IPCEF1: variants seen among roughly 807,000 people sequenced by gnomAD.
IPCEF1 encodes the protein interaction protein for cytohesin exchange factors 1.
In IPCEF1, 31 loss-of-function variants were observed where a neutral mutation model predicts 50.9. The observed-to-expected ratio is 0.61, with a 90% CI of 0.46 to 0.82. IPCEF1 has a LOEUF of 0.82. IPCEF1 is among the 40% of genes least tolerant of loss of function. The pLI is 0.00. For missense variants in IPCEF1, 458 were observed against 514.0 expected (o/e 0.89, Z 1.05); for synonymous variants, 181 against 192.0 (o/e 0.94, Z 0.47).
intron 3 of IPCEF1, among the ~76,000 whole-genome samples, chr6:154,253,762 A>G (rs1318274527): frequency 6.6e-6 from 1 of 152,150 alleles, no homozygotes. Context: ...TTAGCTTTCT[A>G]CAACCAGGAA....
At chr6:154,233,971 G>C (rs1779921643) in intron 5 of IPCEF1, among the ~76,000 whole-genome samples, 1 of 152,154 alleles carries the variant, frequency 6.6e-6, no homozygotes, top group Non-Finnish European at 1.5e-5. Flanking sequence ...CACTTTGAGA[G>C]GCCAAAGCAG....
At chr6:154,179,788 A>C (rs1220518463) in intron 10 of IPCEF1, among the ~76,000 whole-genome samples, 1 of 152,216 alleles carries the variant, frequency 6.6e-6, no homozygotes, top group East Asian at 1.9e-4. Context: ...AGTTAAGAAT[A>C]AAAGTTCACT....
At chr6:154,213,950 G>C (rs142099716) in intron 8 of IPCEF1, among the ~76,000 whole-genome samples, 1 of 152,168 alleles carries the variant, frequency 6.6e-6, no homozygotes, top group Non-Finnish European at 1.5e-5. Flanking sequence ...CATTTGCATC[G>C]GTGACTGTTT....
At chr6:154,314,983 C>A (rs1383826064) in intron 1 of IPCEF1, among the ~76,000 whole-genome samples, 1 of 151,582 alleles carries the variant, frequency 6.6e-6, no homozygotes, top group Admixed American at 6.6e-5. Context: ...CAGGTTCAAG[C>A]GATTCTCCTG....
At position 154,168,249 on chromosome 6, in the gene IPCEF1, A is replaced by G. The variant is rs1799593868; in HGVS notation, c.911-136T>C. 2 of 634,890 alleles carry G rather than the reference A, an allele frequency of 3.2e-6. No homozygotes were observed. The highest frequency in any genetic ancestry group is 3.0e-5 in the Admixed American group (1 of 33,876). The allele number at this position is 634,890 out of a possible 1,614,324, so 39.3% of individuals were successfully genotyped here. A position where few individuals can be genotyped will look rare whatever the true frequency, so the allele number is the denominator to read the frequency against. Reference sequence around the variant, plus strand: ...GACTTCTCTCCGGAACTGAAAGACAATAAATGTTTGCTGTCTAAGCCACCC... The same window carrying G: ...GACTTCTCTCCGGAACTGAAAGACAGTAAATGTTTGCTGTCTAAGCCACCC... On this transcript the variant is annotated intron_variant, in intron 10 of 11. Coordinates refer to ENST00000367220, the MANE Select transcript of IPCEF1 (RefSeq NM_001130700.2). The surrounding 1 kb of genome is among the most constrained non-coding windows in gnomAD (Gnocchi z 4.1).
chr6:154,252,259 C>A (rs1781356311), intron 3 of IPCEF1, among the ~76,000 whole-genome samples: 2 of 152,110 alleles, frequency 1.3e-5, no homozygotes, highest in South Asian at 4.1e-4. Flanking sequence ...GGGGACTGTG[C>A]CATTAACAGC....
At chr6:154,205,537 G>A (rs1462942676) in intron 9 of IPCEF1, among the ~76,000 whole-genome samples, 1 of 152,222 alleles carries the variant, frequency 6.6e-6, no homozygotes, top group Non-Finnish European at 1.5e-5. Flanking sequence ...GGAAGTTGCA[G>A]TGAGCCGAAA....
chr6:154,296,261 C>T (rs1374850909), intron 1 of IPCEF1, among the ~76,000 whole-genome samples: 1 of 152,072 alleles, frequency 6.6e-6, no homozygotes, highest in Non-Finnish European at 1.5e-5. Context: ...GACAGGAACA[C>T]CAGAGGCAGG....
At chr6:154,237,942 G>T (rs1205925198) in intron 5 of IPCEF1, among the ~76,000 whole-genome samples, 1 of 152,012 alleles carries the variant, frequency 6.6e-6, no homozygotes, top group Non-Finnish European at 1.5e-5. Context: ...TAGTGTGTGT[G>T]CACTTATGTA....
In IPCEF1 at chr6:154,168,614, A is replaced by T. The variant is rs1485670851; in HGVS notation, c.911-501T>A. On this transcript the variant is annotated intron_variant, in intron 10 of 11. Coordinates refer to ENST00000367220, the MANE Select transcript of IPCEF1 (RefSeq NM_001130700.2). The surrounding 1 kb of genome is among the most constrained non-coding windows in gnomAD (Gnocchi z 4.1). ...TAATTAATTAATTAATTTTATTATT[A>T]TTTTTTTTGAGACGGAGTTTTACTG... Among the ~76,000 whole-genome samples the T allele has an allele frequency of 4.0e-5, 6 of 150,928 alleles. No individual in the cohort carries two copies. The highest frequency in any genetic ancestry group is 2.1e-4 in the South Asian group (1 of 4,786).
chr6:154,218,511 C>T (rs1260224841), intron 7 of IPCEF1, among the ~76,000 whole-genome samples: 2 of 152,256 alleles, frequency 1.3e-5, no homozygotes, highest in East Asian at 1.9e-4. Context: ...TCACTGCAAA[C>T]GCTACCCACT....
At chr6:154,321,211 G>A (rs1170356766) in intron 1 of IPCEF1, among the ~76,000 whole-genome samples, 1 of 152,050 alleles carries the variant, frequency 6.6e-6, no homozygotes, top group Non-Finnish European at 1.5e-5. Flanking sequence ...GATTACAGGG[G>A]TTAGCCACCA....
At chr6:154,241,287 A>AT (rs1300838106) in intron 5 of IPCEF1, among the ~76,000 whole-genome samples, 25 of 151,312 alleles carry the variant, frequency 1.7e-4, no homozygotes, top group Admixed American at 7.3e-4. Context: ...TGGATGATTC[A>AT]TTTTTTCTAG....
chr6:154,278,893 T>C (rs1942418874), intron 2 of IPCEF1, among the ~76,000 whole-genome samples: 1 of 151,150 alleles, frequency 6.6e-6, no homozygotes, highest in South Asian at 2.1e-4. Context: ...TGGTGGTGGA[T>C]TGCTGGAGCT....
intron 1 of IPCEF1, among the ~76,000 whole-genome samples, chr6:154,292,719 T>C (rs1782544623): frequency 6.6e-6 from 1 of 152,244 alleles, no homozygotes; most frequent in Non-Finnish European, 1.5e-5. Context: ...TCATGATTTA[T>C]CTAAACATTT....
At chr6:154,343,585 A>C (rs1293516678) in intron 1 of IPCEF1, among the ~76,000 whole-genome samples, 1 of 152,112 alleles carries the variant, frequency 6.6e-6, no homozygotes, top group Admixed American at 6.5e-5. Context: ...AGTGGCCTCA[A>C]CCTATCAACC....
intron 1 of IPCEF1, among the ~76,000 whole-genome samples, chr6:154,344,446 A>T (rs1783984565): frequency 6.6e-6 from 1 of 152,302 alleles, no homozygotes; most frequent in Admixed American, 6.5e-5. Context: ...CACACACATT[A>T]TCTTATAGAA....
chr6:154,295,810 C>G (rs1782635018), intron 1 of IPCEF1, among the ~76,000 whole-genome samples: 1 of 152,122 alleles, frequency 6.6e-6, no homozygotes, highest in South Asian at 2.1e-4. Flanking sequence ...CTGTCCTGAA[C>G]TGTCTGGAGC....
chr6:154,266,429 AT>A (rs1245964657), intron 2 of IPCEF1, among the ~76,000 whole-genome samples: 1 of 151,870 alleles, frequency 6.6e-6, no homozygotes, highest in Non-Finnish European at 1.5e-5. Flanking sequence ...ATAGCTTTTT[AT>A]TTCAGAACTC....
Sources: gnomAD v4.1 joint callset for allele counts (sites outside exome capture counted in the v4.1 genomes callset) on GRCh38, gnomAD v4.1.1 for gene constraint, Gnocchi (gnomAD v3.1) non-coding constraint, MANE v1.5 for transcripts, NCBI Gene and HGNC (gene_info 2026-07-23, HGNC 2026-07-21) for gene names.